GRK5: variants seen among roughly 807,000 people sequenced by gnomAD.
GRK5 encodes g protein-coupled receptor kinase GRK5.
In GRK5, 40 loss-of-function variants were observed where a neutral mutation model predicts 78.4. The ratio of observed to expected loss-of-function variants is 0.51; its 90% CI spans 0.40 to 0.66. The LOEUF is 0.66. Among genes scored for constraint, GRK5 ranks in the 30% least tolerant of loss-of-function variants. The pLI, the probability that GRK5 is intolerant of heterozygous loss-of-function variation, is 0.00. For missense variants in GRK5, 598 were observed against 759.9 expected (o/e 0.79, Z 2.50); for synonymous variants, 289 against 296.8 (o/e 0.97, Z 0.27).
rs1011590646 is a variant in GRK5, at chr10:119,431,766, G to A, written c.738+239G>A. Among the ~76,000 whole-genome samples the A allele has an allele frequency of 4.7e-4, 72 of 152,240 alleles. 1 individual carries two copies. Among genetic ancestry groups the A allele is most frequent in the African/African-American group, 1.7e-3 (70 of 41,460 alleles). ...GCCGGCCAGTGCCTGGCTCCCTGCT[G>A]TGCATGAGACCGACGCCTCTGTTCT... On this transcript the variant is annotated intron_variant, in intron 8 of 15. Transcript: ENST00000392870. This position sits in a 1 kb window ranked among gnomAD's most constrained non-coding sequence, Gnocchi z 4.8.
chr10:119,325,647 C>T (rs1158395899), intron 1 of GRK5, among the ~76,000 whole-genome samples: 2 of 152,180 alleles, frequency 1.3e-5, no homozygotes, highest in Non-Finnish European at 1.5e-5. Context: ...CATGGCACAG[C>T]AGTGCCTTCA....
At chr10:119,213,279 G>A (rs142764977) in intron 1 of GRK5, 2,551 of 152,416 alleles carry the variant, frequency 0.017, 57 homozygotes, top group East Asian at 0.058. Context: ...GGGAGGCCGA[G>A]GCAGGCGGAT....
rs929994859 is a variant in GRK5 at position 119,220,400 on chromosome 10, C to T, written c.52+12431C>T. Among the ~76,000 whole-genome samples, 8 of 152,156 alleles carry T rather than the reference C, an allele frequency of 5.3e-5. No individual in the cohort carries two copies. In the South Asian group the frequency reaches 6.2e-4, roughly 12 times the overall value. On this transcript the variant is annotated intron_variant, in intron 1 of 15. Transcript: ENST00000392870. ...AATATAAATTAAGGAAGGAGAAACCCGATTTCCTTGGTTGGTTCCATGGGT... is the reference window on the plus strand; with the variant it reads ...AATATAAATTAAGGAAGGAGAAACCTGATTTCCTTGGTTGGTTCCATGGGT...
At position 119,430,540 on chromosome 10, in the gene GRK5, G is replaced by T; in HGVS notation, c.597+102G>T. 1 of 1,018,562 alleles carries T rather than the reference G, an allele frequency of 9.8e-7. No homozygotes were observed. The highest frequency in any genetic ancestry group is 1.5e-6 in the Non-Finnish European group (1 of 679,706). The allele number at this position is 1,018,562 out of a possible 1,614,324, so 63.1% of individuals were successfully genotyped here. ...AAGGGTTGGCCCACGGGTCCCCCGG[G>T]GGCACCAGTGGCTCAATGTGGGCCC... On this transcript the variant is annotated intron_variant, in intron 7 of 15. Coordinates refer to ENST00000392870, the MANE Select transcript of GRK5 (RefSeq NM_005308.3). The surrounding 1 kb of genome is among the most constrained non-coding windows in gnomAD (Gnocchi z 4.5).
chr10:119,442,215 A>G (rs1853052063), intron 11 of GRK5, 127 bp downstream of exon 11: 4 of 790,208 alleles, frequency 5.1e-6, no homozygotes, highest in Non-Finnish European at 8.5e-6. Flanking sequence ...ACACAGAGTC[A>G]CAGTCTCTGC....
intron 1 of GRK5, among the ~76,000 whole-genome samples, chr10:119,306,921 A>T (rs2133731124): frequency 6.6e-6 from 1 of 152,080 alleles, no homozygotes; most frequent in South Asian, 2.1e-4. Context: ...GGGGTTGCCT[A>T]AAAAAATGCT....
At chr10:119,344,303 A>G (rs1416320417) in intron 2 of GRK5, among the ~76,000 whole-genome samples, 1 of 151,954 alleles carries the variant, frequency 6.6e-6, no homozygotes, top group African/African-American at 2.4e-5. Flanking sequence ...TACATTAGGT[A>G]TATCTCCTAA....
chr10:119,232,907 A>G (rs1011910702), intron 1 of GRK5, among the ~76,000 whole-genome samples: 14 of 152,244 alleles, frequency 9.2e-5, no homozygotes, highest in African/African-American at 3.4e-4. Context: ...ATCACTGTAC[A>G]TCATATGAAT....
intron 4 of GRK5, among the ~76,000 whole-genome samples, chr10:119,418,106 A>G (rs533338989): frequency 2.4e-4 from 37 of 152,210 alleles, no homozygotes; most frequent in Non-Finnish European, 4.3e-4. Flanking sequence ...CTGGAATAGC[A>G]GGCAGCCTTG....
chr10:119,342,599 G>C (rs1423892667), intron 2 of GRK5, among the ~76,000 whole-genome samples: 1 of 152,140 alleles, frequency 6.6e-6, no homozygotes, highest in East Asian at 1.9e-4. Context: ...CAACCGTCCC[G>C]TGCGGTGCAG....
intron 4 of GRK5, among the ~76,000 whole-genome samples, chr10:119,397,872 G>T (rs151323192): frequency 1.6e-4 from 25 of 152,320 alleles, no homozygotes; most frequent in Non-Finnish European, 2.6e-4. Flanking sequence ...TTCCTAATGC[G>T]CACACAGTCG....
intron 4 of GRK5, among the ~76,000 whole-genome samples, chr10:119,403,854 C>T (rs1045711201): frequency 1.3e-5 from 2 of 152,120 alleles, no homozygotes; most frequent in African/African-American, 2.4e-5. Context: ...AGGCTGGTCT[C>T]GAACTCCTGG....
chr10:119,406,536 G>C, intron 4 of GRK5: 1 of 921,926 alleles, frequency 1.1e-6, no homozygotes, highest in Non-Finnish European at 1.3e-6. Flanking sequence ...CCTGGACCCG[G>C]CTCTTCATCT....
intron 3 of GRK5, among the ~76,000 whole-genome samples, chr10:119,384,525 A>G (rs1010569983): frequency 2.0e-5 from 3 of 152,222 alleles, no homozygotes; most frequent in African/African-American, 7.2e-5. Context: ...TAGAGACTAC[A>G]TGAGTTCTTA....
At chr10:119,319,507 T>G (rs1850548760) in intron 1 of GRK5, among the ~76,000 whole-genome samples, 1 of 152,232 alleles carries the variant, frequency 6.6e-6, no homozygotes, top group East Asian at 1.9e-4. Flanking sequence ...ATGCAACCTC[T>G]CCTACCTGCC....
rs1853126878 is a variant in GRK5 at position 119,445,492 on chromosome 10, T to C, written c.1266+1740T>C. The stretch of plus-strand genomic sequence containing the variant: ...GGAGCTGGGATCTCCTGCTGCAGCC[T>C]GGACCAGGGTGCTGCTGTCCCTCTG... On this transcript the variant is annotated intron_variant, in intron 12 of 15. Transcript: ENST00000392870. The surrounding 1 kb of genome is among the most constrained non-coding windows in gnomAD (Gnocchi z 4.1). Among the ~76,000 whole-genome samples, 1 of 152,058 alleles carries C rather than the reference T, an allele frequency of 6.6e-6. No homozygotes were observed. The highest frequency in any genetic ancestry group is 2.1e-4 in the South Asian group (1 of 4,816).
intron 1 of GRK5, chr10:119,211,823 T>C (rs1848491488): frequency 6.6e-6 from 1 of 152,228 alleles, no homozygotes; most frequent in South Asian, 2.1e-4. Context: ...CATCCAGCTC[T>C]GCGTGGGGCA....
rs933930361 is a variant in GRK5 at position 119,389,836 on chromosome 10, A to C, written c.262-6859A>C. Among the ~76,000 whole-genome samples, 9 of 139,560 alleles carry C rather than the reference A, an allele frequency of 6.4e-5. No homozygotes were observed. The South Asian group carries it at 1.4e-3, about 21-fold the overall frequency. The allele number at this position is 139,560 out of a possible 152,430, so 91.6% of individuals were successfully genotyped here. On this transcript the variant is annotated intron_variant, in intron 3 of 15. Transcript: ENST00000392870. ...CACACACACACACACACACACACAC[A>C]CCCAACACACAGATCATGGGGGCTA...
intron 1 of GRK5, among the ~76,000 whole-genome samples, chr10:119,210,716 C>G (rs944829428): frequency 1.3e-5 from 2 of 152,118 alleles, no homozygotes; most frequent in African/African-American, 4.8e-5. Flanking sequence ...GTTCACTTAA[C>G]AAAATACACC....
Sources: gnomAD v4.1 joint callset for allele counts (sites outside exome capture counted in the v4.1 genomes callset) on GRCh38, gnomAD v4.1.1 for gene constraint, Gnocchi (gnomAD v3.1) non-coding constraint, MANE v1.5 for transcripts, NCBI Gene and HGNC (gene_info 2026-07-23, HGNC 2026-07-21) for gene names.